Variants in PDE3B observed in about 807,000 individuals in gnomAD.
The protein encoded by PDE3B is phosphodiesterase 3B.
PDE3B carries 66 observed loss-of-function variants against 116.8 expected under a neutral mutation model. The observed-to-expected ratio is 0.56, with a 90% CI of 0.46 to 0.69. The LOEUF is 0.69. Ranked by LOEUF, PDE3B falls within the 30% of genes least tolerant of loss-of-function variation. The pLI, the probability that PDE3B is intolerant of heterozygous loss-of-function variation, is 0.00. For missense variants in PDE3B, 1,384 were observed against 1,368.1 expected (o/e 1.01, Z -0.18); for synonymous variants, 595 against 533.6 (o/e 1.12, Z -1.59).
intron 2 of PDE3B, among the ~76,000 whole-genome samples, chr11:14,780,554 C>T (rs1385497429): frequency 6.6e-6 from 1 of 152,076 alleles, no homozygotes; most frequent in Admixed American, 6.5e-5. Context: ...ACAACCTGCT[C>T]CTGAGTGACT....
chr11:14,867,530 C>T lies in PDE3B; in HGVS notation c.2911C>T (p.Leu971=), dbSNP rs781892025. Residue 971 remains leucine (L), a synonymous_variant, in exon 15 of 16, where the codon CTG becomes TTG. Coordinates refer to ENST00000282096, the MANE Select transcript of PDE3B (RefSeq NM_000922.4). ...EQGDEEANLG[L]PISPFMDRSS... ...GGGAGATGAAGAAGCAAATCTTGGT[C>T]TGCCCATCAGTCCATTCATGGATCG... The T allele has an allele frequency of 6.2e-7, 1 of 1,613,550 alleles. No homozygotes were observed. The highest frequency in any genetic ancestry group is 8.5e-7 in the Non-Finnish European group (1 of 1,179,704).
chr11:14,866,272 G>A (rs1482822514), intron 14 of PDE3B, among the ~76,000 whole-genome samples: 2 of 152,104 alleles, frequency 1.3e-5, no homozygotes, highest in African/African-American at 2.4e-5. Context: ...ATCAAAGCAG[G>A]AAAATGTCAT....
At chr11:14,721,956 T>G (rs558860412) in intron 1 of PDE3B, among the ~76,000 whole-genome samples, 1 of 144,386 alleles carries the variant, frequency 6.9e-6, no homozygotes, top group South Asian at 2.2e-4. Flanking sequence ...ATGTGGCACA[T>G]ATACACCATG....
intron 1 of PDE3B, among the ~76,000 whole-genome samples, chr11:14,711,858 A>T (rs544888712): frequency 1.3e-5 from 2 of 152,238 alleles, no homozygotes; most frequent in African/African-American, 2.4e-5. Flanking sequence ...GATTCACAGC[A>T]TGGCCGTATT....
chr11:14,894,748 TA>T, the PDE3B span, among the ~76,000 whole-genome samples: 1 of 152,216 alleles, frequency 6.6e-6, no homozygotes, highest in African/African-American at 2.4e-5. Flanking sequence ...GCCTTCCCTG[TA>T]ACAGTTTATC....
chr11:14,749,706 C>T (rs1285025775), intron 1 of PDE3B, among the ~76,000 whole-genome samples: 1 of 151,144 alleles, frequency 6.6e-6, no homozygotes, highest in African/African-American at 2.4e-5. Flanking sequence ...CAGATGGTCT[C>T]TACTAGGAGC....
In PDE3B at chr11:14,664,948, G is replaced by T. The variant is rs1854079758; in HGVS notation, c.978+19895G>T. ...CAGCATCATCCTGATACCAAAGCCG[G>T]GCAGAGACACAACAAAAAAAGAGAA... On this transcript the variant is annotated intron_variant, in intron 1 of 15. Transcript: ENST00000282096. 3.9e-5 allele frequency among the ~76,000 whole-genome samples: 6 copies of T among 152,178 alleles called. No homozygotes were observed. In the South Asian group the frequency reaches 1.2e-3, roughly 32 times the overall value.
intron 5 of PDE3B, among the ~76,000 whole-genome samples, chr11:14,815,726 G>A (rs757496787): frequency 6.6e-6 from 1 of 151,950 alleles, no homozygotes; most frequent in Non-Finnish European, 1.5e-5. Context: ...AGGGGGCAAG[G>A]GTTAATGCTA....
chr11:14,699,262 C>A (rs982059320), intron 1 of PDE3B: 5 of 151,670 alleles, frequency 3.3e-5, no homozygotes, highest in Admixed American at 2.6e-4. Flanking sequence ...AACATTGATT[C>A]TTTACAGTAT....
chr11:14,757,577 G>A (rs1340086101), intron 1 of PDE3B, among the ~76,000 whole-genome samples: 3 of 119,908 alleles, frequency 2.5e-5, no homozygotes, highest in Non-Finnish European at 5.1e-5. Context: ...TTTTTCATGT[G>A]TTTTTTGGCT....
At chr11:14,682,107 G>A (rs967783592) in intron 1 of PDE3B, among the ~76,000 whole-genome samples, 2 of 152,202 alleles carry the variant, frequency 1.3e-5, no homozygotes, top group African/African-American at 4.8e-5. Flanking sequence ...ATTCATGGAA[G>A]TGGATTATCA....
At chr11:14,742,340 C>T (rs541797168) in intron 1 of PDE3B, among the ~76,000 whole-genome samples, 78 of 152,284 alleles carry the variant, frequency 5.1e-4, no homozygotes, top group Non-Finnish European at 9.0e-4. Context: ...AGTTGATCTT[C>T]AATCTCTGAT....
chr11:14,749,141 G>A (rs1288186823), intron 1 of PDE3B, among the ~76,000 whole-genome samples: 1 of 152,044 alleles, frequency 6.6e-6, no homozygotes, highest in Admixed American at 6.6e-5. Context: ...CACCTGCCTC[G>A]GCTTCCCAAA....
chr11:14,780,659 T>C (rs566933675), intron 2 of PDE3B, among the ~76,000 whole-genome samples: 179 of 152,018 alleles, frequency 1.2e-3, no homozygotes, highest in African/African-American at 4.0e-3. Context: ...GGGACACATT[T>C]AAAGTAGTGT....
At chr11:14,801,238 T>C (rs1334817769) in intron 4 of PDE3B, among the ~76,000 whole-genome samples, 1 of 152,160 alleles carries the variant, frequency 6.6e-6, no homozygotes, top group Non-Finnish European at 1.5e-5. Context: ...GCGTTGTGTT[T>C]TTTGGAATTT....
chr11:14,890,884 G>A, the PDE3B span: 1 of 985,304 alleles, frequency 1.0e-6, no homozygotes, highest in Non-Finnish European at 1.2e-6. Context: ...GTTTAAGTAA[G>A]GATTTAAGGT....
intron 11 of PDE3B, among the ~76,000 whole-genome samples, chr11:14,836,293 C>G (rs1489656644): frequency 6.6e-6 from 1 of 152,072 alleles, no homozygotes; most frequent in Non-Finnish European, 1.5e-5. Flanking sequence ...TTTTTGCTGA[C>G]AAGTCAAGAC....
intron 12 of PDE3B, among the ~76,000 whole-genome samples, chr11:14,856,782 A>G (rs1327584809): frequency 6.6e-6 from 1 of 151,484 alleles, no homozygotes; most frequent in Non-Finnish European, 1.5e-5. Context: ...TGAACCCAGG[A>G]GGCAGAGCTT....
chr11:14,764,771 A>G (rs1857450655), intron 1 of PDE3B, among the ~76,000 whole-genome samples: 1 of 152,006 alleles, frequency 6.6e-6, no homozygotes. Context: ...CACAGCATGC[A>G]GTTTAAGTTA....
Sources: gnomAD v4.1 joint callset for allele counts (sites outside exome capture counted in the v4.1 genomes callset) on GRCh38, gnomAD v4.1.1 for gene constraint, MANE v1.5 for transcripts, NCBI Gene and HGNC (gene_info 2026-07-23, HGNC 2026-07-21) for gene names.